Variants in PLEKHG1 observed in about 807,000 individuals in gnomAD.
PLEKHG1 encodes the protein pleckstrin homology domain-containing family G member 1.
In PLEKHG1, 44 loss-of-function variants were observed where a neutral mutation model predicts 100.8. The ratio of observed to expected loss-of-function variants is 0.44; its 90% confidence interval spans 0.34 to 0.56. The LOEUF is 0.56. Ranked by LOEUF, PLEKHG1 falls within the 20% of genes least tolerant of loss-of-function variation. PLEKHG1 has a pLI of 0.01. For synonymous variants in PLEKHG1, 640 were observed against 662.5 expected (o/e 0.97, Z 0.52); for missense variants, 1,545 against 1,720.9 (o/e 0.90, Z 1.81).
At position 150,666,536 on chromosome 6, in the gene PLEKHG1, C is replaced by T. The variant is rs563534275; in HGVS notation, c.-99+15750C>T. ...ATCAGATAACCAATGAGCCCAGTGT[C>T]TCTACCACTCCCTTTGCTCACCTCT... On this transcript the variant is annotated intron_variant, in intron 3 of 3. Transcript: ENST00000367326. Among the ~76,000 whole-genome samples the T allele has an allele frequency of 1.4e-4, 21 of 152,294 alleles. 1 individual carries two copies. The highest frequency in any genetic ancestry group is 3.4e-4 in the African/African-American group (14 of 41,572).
chr6:150,701,193 G>A (rs1458657743), intron 3 of PLEKHG1, among the ~76,000 whole-genome samples: 2 of 150,388 alleles, frequency 1.3e-5, no homozygotes, highest in Admixed American at 6.7e-5. Flanking sequence ...GGTGGTGGGC[G>A]CCAATAATCC....
chr6:150,706,998 C>CTTTTTTTTTTTTTT (rs71014517), intron 3 of PLEKHG1, among the ~76,000 whole-genome samples: 1 of 51,926 alleles, frequency 1.9e-5, no homozygotes, highest in African/African-American at 7.8e-5. Context: ...TTTTCTTTTT[C>CTTTTTTTTTTTTTT]TTTTTTTTTT....
chr6:150,831,121 A>C lies in PLEKHG1; in HGVS notation c.2010A>C (p.Lys670Asn), dbSNP rs926624. 6.2e-7 allele frequency: 1 copy of C among 1,613,222 alleles called. No homozygotes were observed. The highest frequency in any genetic ancestry group is 8.5e-7 in the Non-Finnish European group (1 of 1,179,492). The change falls in exon 15 of 16, where the codon AAA (lysine) becomes AAC (asparagine). Residue 670 changes from lysine to asparagine, a missense_variant. By Grantham distance (94) the Lys-to-Asn change is moderately conservative. Transcript: ENST00000358517. This position sits in a 1 kb window ranked among gnomAD's most constrained non-coding sequence, Gnocchi z 4.1. ...ATAACATCAGTTATGAGGACTTAAA[A>C]CTAATGGTTGCTAAGCGGGAAGAAG... is the stretch of plus-strand genomic sequence containing the variant.
At chr6:150,736,890 C>T (rs906560611) in intron 2 of PLEKHG1, among the ~76,000 whole-genome samples, 2 of 151,688 alleles carry the variant, frequency 1.3e-5, no homozygotes, top group African/African-American at 4.8e-5. Context: ...TTCTAATGAA[C>T]CCACTGGAAA....
chr6:150,750,094 TAGA>T (rs980988942), intron 2 of PLEKHG1, among the ~76,000 whole-genome samples: 5 of 144,824 alleles, frequency 3.5e-5, no homozygotes, highest in African/African-American at 5.5e-5. Flanking sequence ...AAATATCTAC[TAGA>T]AGAACATTTT....
intron 13 of PLEKHG1, among the ~76,000 whole-genome samples, chr6:150,822,945 G>A (rs371236204): frequency 5.9e-5 from 9 of 152,150 alleles, no homozygotes; most frequent in African/African-American, 1.4e-4. Context: ...GTGCCACTGC[G>A]CTCCAGCCTG....
chr6:150,773,402 C>T (rs568455181), intron 3 of PLEKHG1, among the ~76,000 whole-genome samples: 3 of 152,064 alleles, frequency 2.0e-5, no homozygotes, highest in Non-Finnish European at 2.9e-5. Flanking sequence ...GGCGTGGTGG[C>T]GAGTGCCTGT....
At chr6:150,804,506 C>T in intron 6 of PLEKHG1, 104 bp from the exon 8 acceptor site, 1 of 977,354 alleles carries the variant, frequency 1.0e-6, no homozygotes, top group Admixed American at 3.1e-5. Flanking sequence ...AATAAATAAG[C>T]AAAAATAAAA....
chr6:150,636,878 T>A (rs1778027324), intron 1 of PLEKHG1, among the ~76,000 whole-genome samples: 1 of 152,238 alleles, frequency 6.6e-6, no homozygotes, highest in East Asian at 1.9e-4. Flanking sequence ...TGTCTCCAAC[T>A]TATTTCTTTT....
At chr6:150,634,067 C>A (rs1171821937) in intron 1 of PLEKHG1, among the ~76,000 whole-genome samples, 1 of 151,156 alleles carries the variant, frequency 6.6e-6, no homozygotes, top group Non-Finnish European at 1.5e-5. Context: ...CATAGAGAAA[C>A]CCCGTCTCTA....
intron 3 of PLEKHG1, among the ~76,000 whole-genome samples, chr6:150,777,715 C>A (rs1261242357): frequency 6.9e-6 from 1 of 145,412 alleles, no homozygotes; most frequent in African/African-American, 2.7e-5. Context: ...TGTGCGGTTG[C>A]ACATTACACT....
chr6:150,802,988 T>A (rs1255530766), intron 6 of PLEKHG1, among the ~76,000 whole-genome samples: 1 of 152,108 alleles, frequency 6.6e-6, no homozygotes, highest in Non-Finnish European at 1.5e-5. Context: ...GTTATGTAGC[T>A]ATCCATGAAA....
intron 1 of PLEKHG1, among the ~76,000 whole-genome samples, chr6:150,608,153 AC>A (rs1435014532): frequency 6.6e-6 from 1 of 152,230 alleles, no homozygotes; most frequent in African/African-American, 2.4e-5. Context: ...ATGAAGCATT[AC>A]CTTTAGCCAC....
At chr6:150,739,543 C>G (rs1197161106) in intron 2 of PLEKHG1, among the ~76,000 whole-genome samples, 3 of 152,010 alleles carry the variant, frequency 2.0e-5, no homozygotes, top group Non-Finnish European at 4.4e-5. Context: ...TGGTGCATGC[C>G]TGTAGTCCCA....
At chr6:150,692,997 G>A (rs1000154168) in intron 3 of PLEKHG1, among the ~76,000 whole-genome samples, 1 of 152,174 alleles carries the variant, frequency 6.6e-6, no homozygotes, top group Admixed American at 6.5e-5. Flanking sequence ...AACATAGAAG[G>A]CCTTAAATGT....
intron 1 of PLEKHG1, among the ~76,000 whole-genome samples, chr6:150,637,855 A>T (rs150450335): frequency 6.6e-6 from 1 of 152,220 alleles, no homozygotes; most frequent in African/African-American, 2.4e-5. Flanking sequence ...ATCTTCACCT[A>T]GAAATCGAGT....
intron 3 of PLEKHG1, among the ~76,000 whole-genome samples, chr6:150,773,763 A>G (rs1784819268): frequency 6.6e-6 from 1 of 152,136 alleles, no homozygotes; most frequent in African/African-American, 2.4e-5. Flanking sequence ...TTGAAATTGC[A>G]TTAAATTTTA....
At chr6:150,805,449 C>T (rs7754056) in intron 7 of PLEKHG1, among the ~76,000 whole-genome samples, 29,649 of 151,982 alleles carry the variant, frequency 0.2, 2,988 homozygotes, top group East Asian at 0.37. Context: ...AGGCAGGGGA[C>T]GCAGAGTAAG....
intron 10 of PLEKHG1, among the ~76,000 whole-genome samples, chr6:150,817,403 CAAT>C (rs888679221): frequency 5.9e-5 from 9 of 152,054 alleles, no homozygotes; most frequent in African/African-American, 2.2e-4. Context: ...GGAAAGACAA[CAAT>C]GAGAGGAAAC....
Sources: gnomAD v4.1 joint callset for allele counts (sites outside exome capture counted in the v4.1 genomes callset) on GRCh38, gnomAD v4.1.1 for gene constraint, Gnocchi (gnomAD v3.1) non-coding constraint, MANE v1.5 for transcripts, NCBI Gene and HGNC (gene_info 2026-07-23, HGNC 2026-07-21) for gene names.